Variants in PRKN observed in about 807,000 individuals in gnomAD.
PRKN encodes the protein E3 ubiquitin-protein ligase parkin.
A neutral mutation model predicts 59.5 loss-of-function variants in PRKN; 56 were observed. The observed-to-expected ratio is 0.94, with a 90% CI of 0.76 to 1.18. The LOEUF is 1.18. Ranked by LOEUF, PRKN falls within the 50% of genes most tolerant of loss-of-function variation. The pLI, the probability that PRKN is intolerant of heterozygous loss-of-function variation, is 0.00. For synonymous variants in PRKN, 250 were observed against 222.1 expected, an observed-to-expected ratio of 1.13 and a Z score of -1.12; for missense variants, 657 against 596.4, an observed-to-expected ratio of 1.10 and a Z score of -1.06.
intron 2 of PRKN, among the ~76,000 whole-genome samples, chr6:162,429,181 G>C (rs1440539509): frequency 6.6e-6 from 1 of 152,150 alleles, no homozygotes; most frequent in Non-Finnish European, 1.5e-5. Flanking sequence ...CTAAACAAAA[G>C]CCATCTAGAA....
Position 161,451,767 on chromosome 6 carries a change from T to C in PRKN, c.1084-64890A>G, listed in dbSNP as rs1789748091. Among the ~76,000 whole-genome samples, 1 of 152,130 alleles carries C rather than the reference T, an allele frequency of 6.6e-6. No homozygotes were observed. Among genetic ancestry groups the C allele is most frequent in the Admixed American group, 6.5e-5 (1 of 15,268 alleles). Reference sequence around the variant, plus strand: ...ACAGTGACAGCAGGTGGCCCATGAGTGAAACTTAGAGAATTAGGGGACTGC... The same window carrying C: ...ACAGTGACAGCAGGTGGCCCATGAGCGAAACTTAGAGAATTAGGGGACTGC... On this transcript the variant is annotated intron_variant, in intron 9 of 11. Coordinates refer to ENST00000366898, the MANE Select transcript of PRKN (RefSeq NM_004562.3). This position sits in a 1 kb window ranked among gnomAD's most constrained non-coding sequence, Gnocchi z 5.9.
chr6:161,993,677 C>T (rs559678204), intron 5 of PRKN, among the ~76,000 whole-genome samples: 2 of 152,202 alleles, frequency 1.3e-5, no homozygotes, highest in East Asian at 1.9e-4. Context: ...CTGTCTTAGT[C>T]GATTTGTCTT....
chr6:162,028,279 T>C (rs1402539947), intron 5 of PRKN, among the ~76,000 whole-genome samples: 1 of 152,240 alleles, frequency 6.6e-6, no homozygotes, highest in Non-Finnish European at 1.5e-5. Flanking sequence ...TTCTATCTTC[T>C]ATAATGTGGA....
At chr6:162,556,511 G>A (rs1430544381) in intron 1 of PRKN, among the ~76,000 whole-genome samples, 1 of 151,680 alleles carries the variant, frequency 6.6e-6, no homozygotes, top group African/African-American at 2.4e-5. Flanking sequence ...CACTTTGGGA[G>A]GCCGAGGCGG....
intron 9 of PRKN, among the ~76,000 whole-genome samples, chr6:161,453,642 G>C (rs1367385622): frequency 6.6e-6 from 1 of 152,062 alleles, no homozygotes; most frequent in African/African-American, 2.4e-5. Context: ...ATTCAGACTT[G>C]GGGGCCTCCA....
chr6:162,066,693 G>A (rs1269422238), intron 4 of PRKN, among the ~76,000 whole-genome samples: 2 of 152,112 alleles, frequency 1.3e-5, no homozygotes, highest in Non-Finnish European at 2.9e-5. Flanking sequence ...TGACCTGCTG[G>A]GGCCTTGATC....
At chr6:162,584,407 ACT>A (rs1299653921) in intron 1 of PRKN, among the ~76,000 whole-genome samples, 2 of 152,046 alleles carry the variant, frequency 1.3e-5, no homozygotes, top group Admixed American at 6.6e-5. Context: ...TGAGAGGAAC[ACT>A]CTGTACATTC....
At chr6:161,854,937 G>T (rs554298076) in intron 6 of PRKN, among the ~76,000 whole-genome samples, 2 of 151,808 alleles carry the variant, frequency 1.3e-5, no homozygotes, top group Non-Finnish European at 2.9e-5. Context: ...ATAAAAATTC[G>T]CTGGGCAGGG....
intron 7 of PRKN, among the ~76,000 whole-genome samples, chr6:161,595,374 A>G (rs1418436394): frequency 1.3e-5 from 2 of 152,140 alleles, no homozygotes; most frequent in African/African-American, 4.8e-5. Context: ...CAGGGGAGCT[A>G]TGTTATTCAA....
At chr6:161,426,750 G>A (rs566843180) in intron 9 of PRKN, among the ~76,000 whole-genome samples, 62 of 149,916 alleles carry the variant, frequency 4.1e-4, no homozygotes, top group Admixed American at 1.0e-3. Context: ...ACAGAGTCTC[G>A]CTCTGTCACC....
At chr6:162,253,727 A>G (rs577247325) in intron 3 of PRKN, among the ~76,000 whole-genome samples, 1 of 151,496 alleles carries the variant, frequency 6.6e-6, no homozygotes, top group Non-Finnish European at 1.5e-5. Flanking sequence ...TGGGAGAGTT[A>G]ATGAAGTAAA....
chr6:162,334,832 A>T lies in PRKN; in HGVS notation c.172-72067T>A, dbSNP rs541022537. On this transcript the variant is annotated intron_variant, in intron 2 of 11. Coordinates refer to ENST00000366898, the MANE Select transcript of PRKN (RefSeq NM_004562.3). ...TTCATGGGAAGAGGTCAAAATATCAATATGAACAGGAATTAGAAGATTTGG... is the reference window on the plus strand; with the variant it reads ...TTCATGGGAAGAGGTCAAAATATCATTATGAACAGGAATTAGAAGATTTGG... Among the ~76,000 whole-genome samples the T allele has an allele frequency of 1.2e-3, 183 of 152,314 alleles. 1 individual carries two copies. Among genetic ancestry groups the T allele is most frequent in the African/African-American group, 4.2e-3 (175 of 41,570 alleles).
chr6:162,427,300 A>G (rs998855398), intron 2 of PRKN, among the ~76,000 whole-genome samples: 1 of 152,208 alleles, frequency 6.6e-6, no homozygotes, highest in African/African-American at 2.4e-5. Flanking sequence ...TTATTGGTGC[A>G]CAAATACCAC....
rs1562383605 is a variant in PRKN, at chr6:161,347,606, C to CCTTTTTGTTTTTTTTTTTT, written c.*2492_*2493insAAAAAAAAAAAACAAAAAG. The CCTTTTTGTTTTTTTTTTTT allele has an allele frequency of 7.4e-6, 1 of 134,762 alleles. No individual in the cohort carries two copies. The allele number at this position is 134,762 out of a possible 1,614,324, so 8.3% of individuals were successfully genotyped here. ...TGTTCATGTGTAGTGGATGATCTTG[C>CCTTTTTGTTTTTTTTTTTT]TTTTTTGTTTTTGTTTTTTTTTTTT... On this transcript the variant is annotated 3_prime_UTR_variant, in exon 12 of 12. Coordinates refer to ENST00000366898, the MANE Select transcript of PRKN (RefSeq NM_004562.3).
intron 4 of PRKN, among the ~76,000 whole-genome samples, chr6:162,121,994 G>A (rs1240863655): frequency 6.6e-6 from 1 of 152,116 alleles, no homozygotes; most frequent in Non-Finnish European, 1.5e-5. Context: ...TAAGGGGCTT[G>A]GAAAGAATGG....
chr6:161,380,844 G>A (rs1463329302), intron 10 of PRKN, among the ~76,000 whole-genome samples: 2 of 152,140 alleles, frequency 1.3e-5, no homozygotes, highest in East Asian at 1.9e-4. Flanking sequence ...CACACTGGAA[G>A]GCCTGGTACC....
chr6:162,548,253 T>A (rs2128202555), intron 1 of PRKN, among the ~76,000 whole-genome samples: 1 of 151,868 alleles, frequency 6.6e-6, no homozygotes, highest in South Asian at 2.1e-4. Flanking sequence ...AGAGATGGGT[T>A]TCACCATGTT....
chr6:162,013,964 C>T (rs907050726), intron 5 of PRKN, among the ~76,000 whole-genome samples: 2 of 151,712 alleles, frequency 1.3e-5, no homozygotes, highest in African/African-American at 4.8e-5. Context: ...ATTCTGTGTC[C>T]TTGCTGATTT....
Position 161,391,560 on chromosome 6 carries a change from C to T in PRKN, c.1084-4683G>A, listed in dbSNP as rs1433619153. On this transcript the variant is annotated intron_variant, in intron 9 of 11. Transcript: ENST00000366898. The surrounding 1 kb of genome is among the most constrained non-coding windows in gnomAD (Gnocchi z 4.9). Reference sequence around the variant, plus strand: ...GTTAGAAGGCAATCAAACACATGGACTGTATTATAGTCCCTGTGACGAGAG... The same window carrying T: ...GTTAGAAGGCAATCAAACACATGGATTGTATTATAGTCCCTGTGACGAGAG... 6.6e-6 allele frequency among the ~76,000 whole-genome samples: 1 copy of T among 151,842 alleles called. No individual in the cohort carries two copies. The highest frequency in any genetic ancestry group is 1.5e-5 in the Non-Finnish European group (1 of 67,998).
Sources: gnomAD v4.1 joint callset for allele counts (sites outside exome capture counted in the v4.1 genomes callset) on GRCh38, gnomAD v4.1.1 for gene constraint, Gnocchi (gnomAD v3.1) non-coding constraint, MANE v1.5 for transcripts, NCBI Gene and HGNC (gene_info 2026-07-23, HGNC 2026-07-21) for gene names.